CACNA1C: variants seen among roughly 807,000 people sequenced by gnomAD.
CACNA1C encodes the protein voltage-dependent L-type calcium channel subunit alpha-1C.
A neutral mutation model predicts 229.0 loss-of-function variants in CACNA1C; 30 were observed. The observed-to-expected ratio is 0.13, with a 90% confidence interval of 0.10 to 0.18. The LOEUF (loss-of-function observed/expected upper bound fraction) is 0.18, where lower values mean the gene tolerates loss of function less well. Among genes scored for constraint, CACNA1C ranks in the 10% least tolerant of loss-of-function variants. The probability of loss-of-function intolerance (pLI) is 1.00; values close to 1 mark genes in which losing one functional copy is unlikely to be tolerated. For missense variants in CACNA1C, 1,658 were observed against 2,845.0 expected, an observed-to-expected ratio of 0.58 and a Z score of 9.49; for synonymous variants, 1,114 against 1,132.5, an observed-to-expected ratio of 0.98 and a Z score of 0.33.
intron 3 of CACNA1C, among the ~76,000 whole-genome samples, chr12:2,366,576 C>A (rs933466145): frequency 6.6e-6 from 1 of 152,094 alleles, no homozygotes; most frequent in African/African-American, 2.4e-5. Flanking sequence ...GTTTAATTTG[C>A]AAATGCTTTT....
chr12:2,155,169 C>T (rs1030370241), intron 3 of CACNA1C, among the ~76,000 whole-genome samples: 4 of 152,150 alleles, frequency 2.6e-5, no homozygotes, highest in East Asian at 1.9e-4. Flanking sequence ...GTGTCATGGG[C>T]GTTGTTTTGC....
intron 8 of CACNA1C, among the ~76,000 whole-genome samples, chr12:2,511,423 C>G (rs1029419339): frequency 2.8e-4 from 42 of 152,322 alleles, no homozygotes; most frequent in Middle Eastern, 3.4e-3. Context: ...GGTGCTGTCC[C>G]TCCTTCCATG....
chr12:2,086,205 C>T (rs1008261270), intron 1 of CACNA1C, among the ~76,000 whole-genome samples: 7 of 152,194 alleles, frequency 4.6e-5, no homozygotes, highest in African/African-American at 1.4e-4. Flanking sequence ...AGCCACAGCT[C>T]TTAGCACATA....
At chr12:2,070,965 G>T (rs1452062196) in intron 1 of CACNA1C, among the ~76,000 whole-genome samples, 2 of 62,998 alleles carry the variant, frequency 3.2e-5, no homozygotes, top group African/African-American at 6.3e-5. Flanking sequence ...CTCCCTCCCT[G>T]CCTGCCTGCC....
chr12:2,651,503 AG>A lies in CACNA1C; in HGVS notation c.3946-132del, dbSNP rs1569058051. On this transcript the variant is annotated intron_variant, in intron 31 of 46. Transcript: ENST00000399655. This position sits in a 1 kb window ranked among gnomAD's most constrained non-coding sequence, Gnocchi z 5.4. ...AAGTGGGCGGCCGCCCTCCCATCGG[AG>A]GGGGAAGTCTAGTGCAGCAAACCCT... The A allele has an allele frequency of 1.5e-6, 2 of 1,319,056 alleles. No homozygotes were observed. Among genetic ancestry groups the A allele is most frequent in the Non-Finnish European group, 2.2e-6 (2 of 926,942 alleles). The allele number at this position is 1,319,056 out of a possible 1,614,324, so 81.7% of individuals were successfully genotyped here.
At chr12:2,554,724 A>G (rs2043128810) in intron 10 of CACNA1C, among the ~76,000 whole-genome samples, 1 of 152,122 alleles carries the variant, frequency 6.6e-6, no homozygotes, top group Non-Finnish European at 1.5e-5. Flanking sequence ...CATTAACGCC[A>G]AGGTGTGCAA....
At chr12:2,244,638 C>T (rs1277611061) in intron 3 of CACNA1C, among the ~76,000 whole-genome samples, 2 of 152,036 alleles carry the variant, frequency 1.3e-5, no homozygotes, top group African/African-American at 4.8e-5. Context: ...ACAGGTCAGT[C>T]CTATAAGCAC....
intron 3 of CACNA1C, among the ~76,000 whole-genome samples, chr12:2,423,939 T>TG (rs2154556810): frequency 6.6e-6 from 1 of 152,334 alleles, no homozygotes; most frequent in South Asian, 2.1e-4. Context: ...TGCTGTACTA[T>TG]GGGCTCATGG....
intron 3 of CACNA1C, among the ~76,000 whole-genome samples, chr12:2,264,218 A>C (rs992841653): frequency 1.3e-5 from 2 of 152,158 alleles, no homozygotes; most frequent in African/African-American, 2.4e-5. Flanking sequence ...GATGCCTCCT[A>C]AGCCTGGGGA....
In CACNA1C at chr12:2,344,557, A is replaced by C. The variant is rs370527214; in HGVS notation, c.478-104419A>C. On this transcript the variant is annotated intron_variant, in intron 3 of 46. Coordinates refer to ENST00000399655, the MANE Select transcript of CACNA1C (RefSeq NM_000719.7). The stretch of plus-strand genomic sequence containing the variant: ...TTTTGAGTGCTTATCATTCCAGAGA[A>C]TGTGAAGATACATGGCCCAAAACCT... Among the ~76,000 whole-genome samples the C allele has an allele frequency of 3.3e-4, 51 of 152,264 alleles. No homozygotes were observed. The South Asian group carries it at 0.011, about 32-fold the overall frequency.
In CACNA1C at chr12:2,258,991, A is replaced by G. The variant is rs558097574; in HGVS notation, c.477+138561A>G. ...TCCAAAAATAGATGAGGGAGATGGA[A>G]TTACACTAGTGAGTTCAGCATGATT... is the stretch of plus-strand genomic sequence containing the variant. On this transcript the variant is annotated intron_variant, in intron 3 of 46. Transcript: ENST00000399655. 4.6e-5 allele frequency among the ~76,000 whole-genome samples: 7 copies of G among 152,372 alleles called. No homozygotes were observed. In the South Asian group the frequency reaches 1.5e-3, roughly 32 times the overall value.
At chr12:2,217,939 T>G (rs958163312) in intron 3 of CACNA1C, 2 of 152,164 alleles carry the variant, frequency 1.3e-5, no homozygotes, top group African/African-American at 4.8e-5. Context: ...CACCGGAGAC[T>G]TCCACGGACA....
At chr12:2,172,717 G>A (rs2096533475) in intron 3 of CACNA1C, among the ~76,000 whole-genome samples, 1 of 152,200 alleles carries the variant, frequency 6.6e-6, no homozygotes, top group Non-Finnish European at 1.5e-5. Context: ...TTAGGGAAAC[G>A]GGATTATCTT....
chr12:2,001,105 C>T (rs1593419010), intron 1 of CACNA1C, among the ~76,000 whole-genome samples: 2 of 151,914 alleles, frequency 1.3e-5, no homozygotes, highest in South Asian at 2.1e-4. Context: ...AAACGTCAGG[C>T]GCTCTATGAC....
At chr12:2,182,366 C>T (rs1254780716) in intron 3 of CACNA1C, among the ~76,000 whole-genome samples, 5 of 152,050 alleles carry the variant, frequency 3.3e-5, no homozygotes, top group African/African-American at 7.2e-5. Flanking sequence ...TCTGCTTCTA[C>T]GAGGCCCCTC....
intron 5 of CACNA1C, among the ~76,000 whole-genome samples, chr12:2,481,055 A>G (rs1393982800): frequency 2.6e-5 from 4 of 152,228 alleles, no homozygotes; most frequent in African/African-American, 9.6e-5. Context: ...TGAATCAGGC[A>G]CATTACCTTC....
At chr12:2,559,306 T>C (rs4765961) in intron 11 of CACNA1C, among the ~76,000 whole-genome samples, 30,230 of 152,226 alleles carry the variant, frequency 0.2, 3,307 homozygotes, top group African/African-American at 0.29. Flanking sequence ...GAATATGATC[T>C]GGAGGATGGA....
chr12:2,686,693 A>T (rs2097521479), intron 45 of CACNA1C, among the ~76,000 whole-genome samples: 1 of 152,218 alleles, frequency 6.6e-6, no homozygotes, highest in South Asian at 2.1e-4. Context: ...TGACATAAAG[A>T]AGTGATTAAA....
intron 30 of CACNA1C, chr12:2,641,858 A>G (rs1302656329): frequency 5.2e-5 from 36 of 690,030 alleles, no homozygotes; most frequent in African/African-American, 8.8e-5. Context: ...GCTTAAGAGT[A>G]TGGCTGGCCC....
Sources: gnomAD v4.1 joint callset for allele counts (sites outside exome capture counted in the v4.1 genomes callset) on GRCh38, gnomAD v4.1.1 for gene constraint, Gnocchi (gnomAD v3.1) non-coding constraint, MANE v1.5 for transcripts, NCBI Gene and HGNC (gene_info 2026-07-23, HGNC 2026-07-21) for gene names.